ARAP1: variants seen among roughly 807,000 people sequenced by gnomAD.
The protein encoded by ARAP1 is ArfGAP with RhoGAP domain, ankyrin repeat and PH domain 1, also known as arf-GAP with Rho-GAP domain, ANK repeat and PH domain-containing protein 1.
A neutral mutation model predicts 172.2 loss-of-function variants in ARAP1; 76 were observed. The ratio of observed to expected loss-of-function variants is 0.44; its 90% confidence interval spans 0.37 to 0.53. ARAP1 has a LOEUF of 0.53. ARAP1 is among the 20% of genes least tolerant of loss of function. ARAP1 has a pLI of 0.00. For synonymous variants in ARAP1, 804 were observed against 803.3 expected (o/e 1.00, Z -0.01); for missense variants, 1,686 against 1,977.5 (o/e 0.85, Z 2.80).
In ARAP1 at chr11:72,693,153, C is replaced by T. The variant is rs1591174092; in HGVS notation, c.3954+172G>A. The T allele has an allele frequency of 3.6e-5, 38 of 1,060,604 alleles. No homozygotes were observed. The East Asian group carries it at 5.7e-4, about 16-fold the overall frequency. 65.7% of individuals were successfully genotyped at this position (1,060,604 alleles called of 1,614,324 possible). ...GGGCTACAGGGCACACTAGAGTGGC[C>T]GTCCAGGGCCACAGCAGGAGGGGTC... On this transcript the variant is annotated intron_variant, in intron 29 of 34. Transcript: ENST00000393609. The surrounding 1 kb of genome is among the most constrained non-coding windows in gnomAD (Gnocchi z 4.6).
In ARAP1 at chr11:72,697,963, G is replaced by A; in HGVS notation, c.2685C>T (p.Phe895=). ...SLSGSELRAV[F]PEGPCEEPLQ... ...GCGGCTCTTCGCAGGGCCCCTCCGG[G>A]AAGACAGCACGGAGCTCCGAGCCAC... The change falls in exon 19 of 35, where the codon TTC becomes TTT. Residue 895 remains phenylalanine (F), a synonymous_variant. Coordinates refer to ENST00000393609, the MANE Select transcript of ARAP1 (RefSeq NM_001040118.3). 1 of 1,612,028 alleles carries A rather than the reference G, an allele frequency of 6.2e-7. No homozygotes were observed. Among genetic ancestry groups the A allele is most frequent in the Non-Finnish European group, 8.5e-7 (1 of 1,179,304 alleles).
chr11:72,688,724 G>A (rs1442760693), intron 30 of ARAP1, 187 bp from the exon 31 acceptor site: 2 of 571,996 alleles, frequency 3.5e-6, no homozygotes, highest in Non-Finnish European at 6.2e-6. Context: ...CAACCTCCCA[G>A]CCCTAGGCCC....
intron 5 of ARAP1, 42 bp downstream of exon 5, chr11:72,713,134 C>G: frequency 6.2e-7 from 1 of 1,606,292 alleles, no homozygotes; most frequent in South Asian, 1.1e-5. Flanking sequence ...TGGGCACCCC[C>G]ACAACACCCT....
rs1856153117 is a variant in ARAP1 at position 72,695,626 on chromosome 11, C to T, written c.3423G>A (p.Val1141=). The T allele has an allele frequency of 6.2e-7, 1 of 1,613,984 alleles. No homozygotes were observed. Among genetic ancestry groups the T allele is most frequent in the Non-Finnish European group, 8.5e-7 (1 of 1,180,028 alleles). Residue 1141 remains valine, a splice_region_variant and synonymous_variant, in exon 25 of 35, where the codon GTG becomes GTA. Coordinates refer to ENST00000393609, the MANE Select transcript of ARAP1 (RefSeq NM_001040118.3). This position sits in a 1 kb window ranked among gnomAD's most constrained non-coding sequence, Gnocchi z 4.4. ...GCTGCTTCCTGAGCTCTTCCTCATCCACCTGGGAAGGGGCGAGAGGCAGGG... is the reference window on the plus strand; with the variant it reads ...GCTGCTTCCTGAGCTCTTCCTCATCTACCTGGGAAGGGGCGAGAGGCAGGG... ...LINHYVVVFS[V]DEEELRKQRE... is the part of the protein sequence containing the mutation.
At chr11:72,749,697 C>T (rs1858477864) in intron 1 of ARAP1, among the ~76,000 whole-genome samples, 2 of 152,034 alleles carry the variant, frequency 1.3e-5, no homozygotes, top group South Asian at 4.2e-4. Flanking sequence ...TCCTGGCTAA[C>T]AAGGTGAAAC....
At chr11:72,751,718 C>T (rs567954448) in intron 1 of ARAP1, among the ~76,000 whole-genome samples, 1 of 152,178 alleles carries the variant, frequency 6.6e-6, no homozygotes, top group Non-Finnish European at 1.5e-5. Flanking sequence ...GATTCCCCCC[C>T]TCCCCGCCGG....
At position 72,726,425 on chromosome 11, in the gene ARAP1, C is replaced by T. The variant is rs527725840; in HGVS notation, c.509+195G>A. On this transcript the variant is annotated intron_variant, in intron 3 of 34. Coordinates refer to ENST00000393609, the MANE Select transcript of ARAP1 (RefSeq NM_001040118.3). This position sits in a 1 kb window ranked among gnomAD's most constrained non-coding sequence, Gnocchi z 6.5. ...CACACGCCCAGCAGCCCAGGCACTGCGCTGAGTACCTGCACAGCTCTCCCC... is the reference window on the plus strand; with the variant it reads ...CACACGCCCAGCAGCCCAGGCACTGTGCTGAGTACCTGCACAGCTCTCCCC... Among the ~76,000 whole-genome samples the T allele has an allele frequency of 2.4e-4, 36 of 152,200 alleles. No individual in the cohort carries two copies. Among genetic ancestry groups the T allele is most frequent in the Non-Finnish European group, 3.8e-4 (26 of 68,038 alleles).
rs544971149 is a variant in ARAP1, at chr11:72,741,762, A to C, written c.-127-9165T>G. Among the ~76,000 whole-genome samples, 8 of 152,236 alleles carry C rather than the reference A, an allele frequency of 5.3e-5. No homozygotes were observed. The South Asian group carries it at 1.7e-3, about 32-fold the overall frequency. On this transcript the variant is annotated intron_variant, in intron 1 of 34. Coordinates refer to ENST00000393609, the MANE Select transcript of ARAP1 (RefSeq NM_001040118.3). The surrounding 1 kb of genome is among the most constrained non-coding windows in gnomAD (Gnocchi z 4.5). ...CCAGTGACACCAGCACTCAAGATAC[A>C]GACCCTCACCACGTGCCCTGGGGGC...
At chr11:72,723,350 G>T (rs1402473279) in intron 3 of ARAP1, among the ~76,000 whole-genome samples, 1 of 152,142 alleles carries the variant, frequency 6.6e-6, no homozygotes, top group African/African-American at 2.4e-5. Flanking sequence ...ATAGCAGGGG[G>T]TGCAGACTCT....
Position 72,712,188 on chromosome 11 carries a change from T to C in ARAP1, c.1022+8A>G. The C allele has an allele frequency of 6.3e-7, 1 of 1,591,614 alleles. No individual in the cohort carries two copies. The highest frequency in any genetic ancestry group is 8.5e-7 in the Non-Finnish European group (1 of 1,171,886). ...AGAGCACAGCAGGACCCAAGAGGCC[T>C]CACTCACCCCTGCGGTGGGTTCTTG... is the stretch of plus-strand genomic sequence containing the variant. On this transcript the variant is annotated splice_region_variant and intron_variant, in intron 7 of 34. Coordinates refer to ENST00000393609, the MANE Select transcript of ARAP1 (RefSeq NM_001040118.3).
chr11:72,739,304 T>C (rs559122599), intron 1 of ARAP1, among the ~76,000 whole-genome samples: 2 of 152,260 alleles, frequency 1.3e-5, no homozygotes, highest in East Asian at 3.9e-4. Flanking sequence ...TAACTCTCCC[T>C]GGCACCAGGA....
intron 12 of ARAP1, 119 bp from the exon 13 acceptor site, chr11:72,706,009 G>T: frequency 1.1e-6 from 1 of 924,896 alleles, no homozygotes; most frequent in Non-Finnish European, 1.6e-6. Context: ...GCCCCAGGGG[G>T]TAGGCCTGCT....
Position 72,695,174 on chromosome 11 carries a change from G to C in ARAP1, c.3577-77C>G, listed in dbSNP as rs1009405222. ...CCACAACCTTGCTATGTGACTCAGA[G>C]CCTGAGCCCATCCTTCTCAGGCCCT... On this transcript the variant is annotated intron_variant, in intron 26 of 34. Coordinates refer to ENST00000393609, the MANE Select transcript of ARAP1 (RefSeq NM_001040118.3). The surrounding 1 kb of genome is among the most constrained non-coding windows in gnomAD (Gnocchi z 4.4). The C allele has an allele frequency of 2.0e-6, 3 of 1,491,780 alleles. No individual in the cohort carries two copies. The highest frequency in any genetic ancestry group is 2.8e-5 in the African/African-American group (2 of 72,456). 92.4% of individuals were successfully genotyped at this position (1,491,780 alleles called of 1,614,324 possible). A position where few individuals can be genotyped will look rare whatever the true frequency, so the allele number is the denominator to read the frequency against.
At chr11:72,722,243 G>A in intron 3 of ARAP1, 2 of 985,726 alleles carry the variant, frequency 2.0e-6, no homozygotes, top group Non-Finnish European at 2.4e-6. Context: ...GTATGTGTGT[G>A]TGTATGTCTG....
chr11:72,716,458 C>T (rs1857277822), intron 3 of ARAP1, among the ~76,000 whole-genome samples: 1 of 152,268 alleles, frequency 6.6e-6, no homozygotes, highest in Non-Finnish European at 1.5e-5. Flanking sequence ...GCCCTGTTAC[C>T]AGGCAACCAC....
At chr11:72,715,483 G>A (rs144761285) in intron 3 of ARAP1, among the ~76,000 whole-genome samples, 1 of 152,236 alleles carries the variant, frequency 6.6e-6, no homozygotes, top group Non-Finnish European at 1.5e-5. Context: ...TGGTCATGAT[G>A]CCAGGCCTTT....
In ARAP1 at chr11:72,696,921, G is replaced by A. The variant is rs1856221208; in HGVS notation, c.3166+62C>T. 4 of 1,514,578 alleles carry A rather than the reference G, an allele frequency of 2.6e-6. No individual in the cohort carries two copies. In the Admixed American group the frequency reaches 7.6e-5, roughly 29 times the overall value. The allele number at this position is 1,514,578 out of a possible 1,614,324, so 93.8% of individuals were successfully genotyped here. A position where few individuals can be genotyped will look rare whatever the true frequency, so the allele number is the denominator to read the frequency against. ...CTAGTGCAAGTGCCACAAGGGAAGGGCGCAGGAGTCCGGAGGGATGGGTGG... is the reference window on the plus strand; with the variant it reads ...CTAGTGCAAGTGCCACAAGGGAAGGACGCAGGAGTCCGGAGGGATGGGTGG... On this transcript the variant is annotated intron_variant, in intron 22 of 34. Coordinates refer to ENST00000393609, the MANE Select transcript of ARAP1 (RefSeq NM_001040118.3).
At chr11:72,713,720 G>A (rs887482413) in intron 4 of ARAP1, among the ~76,000 whole-genome samples, 8 of 151,880 alleles carry the variant, frequency 5.3e-5, no homozygotes, top group Non-Finnish European at 1.2e-4. Context: ...GGTGGCGGGC[G>A]CCTGTAGTCC....
chr11:72,698,765 G>A (rs1856332820), intron 18 of ARAP1, among the ~76,000 whole-genome samples: 1 of 152,146 alleles, frequency 6.6e-6, no homozygotes, highest in South Asian at 2.1e-4. Context: ...CACTTATTGA[G>A]CACCTATGGA....
Sources: allele counts gnomAD v4.1 joint callset (sites outside exome capture counted in the v4.1 genomes callset), GRCh38; gene constraint gnomAD v4.1.1; non-coding constraint Gnocchi (gnomAD v3.1); transcripts MANE v1.5; gene names NCBI Gene and HGNC (gene_info 2026-07-23, HGNC 2026-07-21).